VPS53: variants seen among roughly 807,000 people sequenced by gnomAD.
VPS53 encodes the protein vacuolar protein sorting-associated protein 53 homolog.
A neutral mutation model predicts 107.0 loss-of-function variants in VPS53; 70 were observed. The ratio of observed to expected loss-of-function variants is 0.65; its 90% CI spans 0.54 to 0.80. VPS53 has a LOEUF of 0.80. Ranked by LOEUF, VPS53 falls within the 30% of genes least tolerant of loss-of-function variation. The pLI is 0.00. For synonymous variants in VPS53, 409 were observed against 393.3 expected, an observed-to-expected ratio of 1.04 and a Z score of -0.47; for missense variants, 917 against 1,049.4, an observed-to-expected ratio of 0.87 and a Z score of 1.74.
chr17:709,267 T>G (rs117011300), intron 2 of VPS53, among the ~76,000 whole-genome samples: 3,820 of 152,214 alleles, frequency 0.025, 76 homozygotes, highest in Middle Eastern at 0.038. Flanking sequence ...GCCACCATGT[T>G]TGATCATCTC....
At chr17:600,626 C>A (rs1968285328) in intron 12 of VPS53, among the ~76,000 whole-genome samples, 1 of 152,208 alleles carries the variant, frequency 6.6e-6, no homozygotes, top group Non-Finnish European at 1.5e-5. Flanking sequence ...AGATTCAGTT[C>A]TATGTCCTCT....
At chr17:553,503 A>C (rs753038149) in intron 15 of VPS53, 41 bp from the exon 16 acceptor site, 1 of 1,456,404 alleles carries the variant, frequency 6.9e-7, no homozygotes, top group African/African-American at 1.4e-5. Context: ...GTTAATGATT[A>C]TCCAAAGAAG....
chr17:597,438 G>A (rs891069689), intron 12 of VPS53, among the ~76,000 whole-genome samples: 3 of 152,210 alleles, frequency 2.0e-5, no homozygotes, highest in African/African-American at 7.2e-5. Flanking sequence ...TGACGCAGCA[G>A]GAGGTAAGGG....
At chr17:657,837 A>G (rs1326137409) in intron 5 of VPS53, among the ~76,000 whole-genome samples, 2 of 152,066 alleles carry the variant, frequency 1.3e-5, no homozygotes, top group Non-Finnish European at 2.9e-5. Context: ...GGTCGTGGAT[A>G]GATATATCCT....
chr17:531,405 TA>T (rs1165195248), intron 19 of VPS53, among the ~76,000 whole-genome samples: 1 of 152,192 alleles, frequency 6.6e-6, no homozygotes, highest in African/African-American at 2.4e-5. Flanking sequence ...GTGGGTTTGT[TA>T]AAAAATAATA....
At chr17:710,654 T>G in intron 1 of VPS53, 41 bp from the exon 2 acceptor site, 2 of 1,377,326 alleles carry the variant, frequency 1.5e-6, no homozygotes, top group Non-Finnish European at 2.0e-6. Flanking sequence ...ACATGTAGTA[T>G]ACCGTAAATA....
At chr17:549,347 A>G (rs890089573) in intron 17 of VPS53, among the ~76,000 whole-genome samples, 4 of 152,182 alleles carry the variant, frequency 2.6e-5, no homozygotes, top group African/African-American at 7.2e-5. Context: ...AGAACTCCAG[A>G]AGACTCAGAC....
In VPS53 at chr17:524,924, A is replaced by AT. The variant is rs778862265; in HGVS notation, c.2086-3187dup. On this transcript the variant is annotated intron_variant, in intron 19 of 21. Transcript: ENST00000437048. This position sits in a 1 kb window ranked among gnomAD's most constrained non-coding sequence, Gnocchi z 4.5. ...CCTTAGCTGGAGATGTGTATCACCC[A>AT]TAACACAGCATTAATACTTATATCC... Among the ~76,000 whole-genome samples the AT allele has an allele frequency of 6.6e-5, 10 of 152,244 alleles. No homozygotes were observed. Among genetic ancestry groups the AT allele is most frequent in the Admixed American group, 5.9e-4 (9 of 15,290 alleles).
At chr17:584,521 T>C (rs879263882) in intron 13 of VPS53, among the ~76,000 whole-genome samples, 1 of 152,198 alleles carries the variant, frequency 6.6e-6, no homozygotes, top group Non-Finnish European at 1.5e-5. Context: ...TAGTATATTT[T>C]GTTTGCTTTT....
chr17:533,915 C>T (rs1287735757), intron 18 of VPS53, among the ~76,000 whole-genome samples: 1 of 151,996 alleles, frequency 6.6e-6, no homozygotes, highest in African/African-American at 2.4e-5. Flanking sequence ...TCTTGGCTCA[C>T]TGCAACCTCT....
In VPS53 at chr17:627,257, G is replaced by A. The variant is rs142386342; in HGVS notation, c.891C>T (p.Asp297=). The A allele has an allele frequency of 1.2e-5, 19 of 1,613,908 alleles. No homozygotes were observed. Among genetic ancestry groups the A allele is most frequent in the African/African-American group, 2.7e-5 (2 of 74,906 alleles). Residue 297 remains aspartate, a synonymous_variant, in exon 10 of 22, where the codon GAC becomes GAT. Transcript: ENST00000437048. ...RYAWIKRQLV[D]YEEKYGRMFP... ...ACATGCGGCCGTATTTCTCCTCATA[G>A]TCCACAAGCTGGCGTTTTATCCAGG...
chr17:638,936 T>C (rs998578178), intron 7 of VPS53, among the ~76,000 whole-genome samples: 1 of 152,210 alleles, frequency 6.6e-6, no homozygotes, highest in Non-Finnish European at 1.5e-5. Flanking sequence ...TGGTGTTCTC[T>C]GTATTTCCTG....
chr17:567,847 C>T lies in VPS53; in HGVS notation c.1314-5102G>A, dbSNP rs140238941. Among the ~76,000 whole-genome samples the T allele has an allele frequency of 2.4e-3, 366 of 151,526 alleles. 2 individuals carry two copies. The highest frequency in any genetic ancestry group is 8.3e-3 in the African/African-American group (344 of 41,222). ...GAGGTTACAGTGAGCTATAATGCCA[C>T]CACTGCACTCCAGCCTGGACAACAG... On this transcript the variant is annotated intron_variant, in intron 13 of 21. Transcript: ENST00000437048.
intron 7 of VPS53, 74 bp downstream of exon 7, chr17:653,217 G>A (rs1456066912): frequency 1.9e-6 from 3 of 1,582,840 alleles, no homozygotes; most frequent in Admixed American, 3.7e-5. Flanking sequence ...CTTTCCCTCT[G>A]GTGACAGTTT....
At chr17:592,746 C>T (rs542739340) in intron 12 of VPS53, among the ~76,000 whole-genome samples, 6 of 152,276 alleles carry the variant, frequency 3.9e-5, no homozygotes, top group South Asian at 2.1e-4. Context: ...GAGTTTCTGC[C>T]GAGAGATCTG....
At chr17:552,078 C>T in intron 16 of VPS53, 128 bp from the exon 17 acceptor site, 1 of 809,180 alleles carries the variant, frequency 1.2e-6, no homozygotes, top group Non-Finnish European at 1.9e-6. Context: ...TAATTAATGA[C>T]AGCGGAGGAA....
intron 10 of VPS53, among the ~76,000 whole-genome samples, chr17:624,244 T>G (rs1056027792): frequency 6.6e-6 from 1 of 152,166 alleles, no homozygotes; most frequent in Non-Finnish European, 1.5e-5. Flanking sequence ...TTTATTAGTG[T>G]ATATAGCCTA....
intron 7 of VPS53, among the ~76,000 whole-genome samples, chr17:646,116 C>A (rs1053602833): frequency 2.5e-5 from 3 of 119,502 alleles, no homozygotes; most frequent in Non-Finnish European, 1.8e-5. Context: ...GGCTCTTACA[C>A]ACATCTCGGT....
chr17:517,686 A>C lies in VPS53; in HGVS notation c.*1442T>G, dbSNP rs1463647355. ...AGGCACTCGCCATGACACCCGGCTA[A>C]TTTTTTTTATTTTTAGTTGAGACAG... On this transcript the variant is annotated 3_prime_UTR_variant, in exon 22 of 22. Transcript: ENST00000437048. 1.2e-5 allele frequency: 4 copies of C among 333,942 alleles called. No individual in the cohort carries two copies. The highest frequency in any genetic ancestry group is 1.1e-5 in the Non-Finnish European group (2 of 186,236). 20.7% of individuals were successfully genotyped at this position (333,942 alleles called of 1,614,324 possible).
Sources: gnomAD v4.1 joint callset for allele counts (sites outside exome capture counted in the v4.1 genomes callset) on GRCh38, gnomAD v4.1.1 for gene constraint, Gnocchi (gnomAD v3.1) non-coding constraint, MANE v1.5 for transcripts, NCBI Gene and HGNC (gene_info 2026-07-23, HGNC 2026-07-21) for gene names.